MYOF: variants seen among roughly 807,000 people sequenced by gnomAD.
The protein encoded by MYOF is fer-1-like 3, myoferlin.
MYOF carries 244 observed loss-of-function variants against 284.2 expected under a neutral mutation model. The observed-to-expected ratio is 0.86, with a 90% CI of 0.77 to 0.95. The LOEUF is 0.95. Ranked by LOEUF, MYOF falls within the 40% of genes least tolerant of loss-of-function variation. The pLI is 0.00. For missense variants in MYOF, 2,496 were observed against 2,560.6 expected, an observed-to-expected ratio of 0.97 and a Z score of 0.54; for synonymous variants, 904 against 919.7, an observed-to-expected ratio of 0.98 and a Z score of 0.31.
intron 29 of MYOF, among the ~76,000 whole-genome samples, chr10:93,357,524 C>A (rs1844864663): frequency 6.6e-6 from 1 of 152,170 alleles, no homozygotes; most frequent in Admixed American, 6.5e-5. Context: ...TGCTTTCATG[C>A]AGCTGACATT....
intron 51 of MYOF, 22 bp downstream of exon 51, chr10:93,312,998 C>A (rs756547011): frequency 1.3e-6 from 2 of 1,579,016 alleles, no homozygotes; most frequent in Non-Finnish European, 1.7e-6. Context: ...GATTTTCAAC[C>A]AGAACCAGGA....
chr10:93,479,810 G>A (rs887860945), intron 1 of MYOF, among the ~76,000 whole-genome samples: 1 of 152,114 alleles, frequency 6.6e-6, no homozygotes, highest in Non-Finnish European at 1.5e-5. Flanking sequence ...CACTCGATTT[G>A]TATGAAAAAA....
chr10:93,448,435 T>C (rs2056497675), intron 3 of MYOF, among the ~76,000 whole-genome samples: 1 of 152,204 alleles, frequency 6.6e-6, no homozygotes, highest in Admixed American at 6.5e-5. Flanking sequence ...ACAGCATTCA[T>C]GGTACCCGAC....
intron 1 of MYOF, among the ~76,000 whole-genome samples, chr10:93,471,816 G>A (rs775565886): frequency 1.1e-4 from 16 of 152,008 alleles, no homozygotes; most frequent in Non-Finnish European, 1.9e-4. Flanking sequence ...TTGAACCTGG[G>A]AGGTGGAGGT....
chr10:93,328,640 A>C, intron 45 of MYOF, 123 bp downstream of exon 45: 5 of 976,830 alleles, frequency 5.1e-6, no homozygotes, highest in Non-Finnish European at 7.4e-6. Context: ...TGTTAGTGTC[A>C]CGTGCACAGT....
chr10:93,372,468 T>A (rs1015957981), intron 24 of MYOF, among the ~76,000 whole-genome samples: 2 of 152,174 alleles, frequency 1.3e-5, no homozygotes, highest in African/African-American at 4.8e-5. Context: ...CAGAATCTCT[T>A]CCCTAAAGTT....
At chr10:93,459,316 T>C (rs945618807) in intron 1 of MYOF, among the ~76,000 whole-genome samples, 1 of 152,224 alleles carries the variant, frequency 6.6e-6, no homozygotes, top group African/African-American at 2.4e-5. Flanking sequence ...GCAAAGAATT[T>C]TTAACTTAAA....
chr10:93,361,088 A>G (rs907592667), intron 28 of MYOF, among the ~76,000 whole-genome samples: 9 of 152,060 alleles, frequency 5.9e-5, no homozygotes, highest in Admixed American at 3.9e-4. Flanking sequence ...ATGGGAGACA[A>G]TTTTTCTATG....
At chr10:93,310,506 G>A (rs773406215) in intron 52 of MYOF, 28 bp downstream of exon 52, 1 of 1,602,040 alleles carries the variant, frequency 6.2e-7, no homozygotes, top group Admixed American at 1.7e-5. Flanking sequence ...GGTGTTTGGG[G>A]AGTGGGAGAA....
At chr10:93,348,296 CTG>C (rs1043686922) in intron 36 of MYOF, among the ~76,000 whole-genome samples, 1 of 152,206 alleles carries the variant, frequency 6.6e-6, no homozygotes, top group Non-Finnish European at 1.5e-5. Flanking sequence ...AGGGAAATAA[CTG>C]TGGCTGAGAG....
intron 3 of MYOF, among the ~76,000 whole-genome samples, chr10:93,449,436 T>C (rs2056528788): frequency 6.6e-6 from 1 of 152,198 alleles, no homozygotes; most frequent in African/African-American, 2.4e-5. Flanking sequence ...GAGGAGGGCC[T>C]AGTCTTAGTA....
chr10:93,440,284 C>T (rs948974915), intron 3 of MYOF, among the ~76,000 whole-genome samples: 6 of 151,996 alleles, frequency 3.9e-5, no homozygotes, highest in African/African-American at 9.7e-5. Flanking sequence ...TGGTGGCGGG[C>T]GCCTGTAGTC....
rs894959444 is a variant in MYOF, at chr10:93,456,889, C to T, written c.137G>A (p.Trp46Ter). 1.2e-6 allele frequency: 2 copies of T among 1,606,922 alleles called. No homozygotes were observed. Among genetic ancestry groups the T allele is most frequent in the Non-Finnish European group, 1.7e-6 (2 of 1,176,714 alleles). The part of the protein sequence containing the change: ...KKVDNELNPV[W>*]NEILEFDLRG... ...AAAAAACAATGAAGTCACCTCATTC[C>T]AGACAGGGTTCAATTCATTATCAAC... The change falls in exon 2 of 54, where the codon TGG becomes TAG. Residue 46 changes from tryptophan to a stop codon, truncating the protein, a stop_gained. Transcript: ENST00000359263. LOFTEE classifies it high-confidence loss of function.
chr10:93,349,240 G>C (rs1284251173), intron 36 of MYOF, among the ~76,000 whole-genome samples: 1 of 152,202 alleles, frequency 6.6e-6, no homozygotes, highest in Non-Finnish European at 1.5e-5. Flanking sequence ...TGGGGTCTGT[G>C]ATGGAGAGCT....
chr10:93,323,085 C>G lies in MYOF; in HGVS notation c.5449G>C (p.Val1817Leu). Residue 1817 changes from valine to leucine, a missense_variant, in exon 48 of 54, where the codon GTC (valine) becomes CTC (leucine). Val to Leu is a conservative substitution (Grantham distance 32). Transcript: ENST00000359263. ...CTCACATGCTAACCTTACCCTTTGA[C>G]GTAGATGTCACTCATTTCCTCTCCT... ...ITGEEMSDIY[V>L]KGWIPGNEEN... 1 of 1,613,600 alleles carries G rather than the reference C, an allele frequency of 6.2e-7. No individual in the cohort carries two copies. Among genetic ancestry groups the G allele is most frequent in the South Asian group, 1.1e-5 (1 of 91,062 alleles).
chr10:93,380,413 G>C (rs1313727454), intron 20 of MYOF, among the ~76,000 whole-genome samples: 1 of 152,196 alleles, frequency 6.6e-6, no homozygotes, highest in Non-Finnish European at 1.5e-5. Context: ...GAAAGCTTTA[G>C]CTGGCTACAT....
intron 3 of MYOF, among the ~76,000 whole-genome samples, chr10:93,450,617 G>A (rs1171187128): frequency 1.3e-5 from 2 of 152,088 alleles, no homozygotes; most frequent in Non-Finnish European, 2.9e-5. Context: ...ACCCAGCCAC[G>A]TTGACTGCAA....
rs1480422907 is a variant in MYOF, at chr10:93,337,810, G to T, written c.4437+5C>A. 1 of 1,611,204 alleles carries T rather than the reference G, an allele frequency of 6.2e-7. No homozygotes were observed. Among genetic ancestry groups the T allele is most frequent in the Non-Finnish European group, 8.5e-7 (1 of 1,177,488 alleles). ...CTCCACCCATAGCAGCATAGATCCA[G>T]GTACCTTGAGCTTGGAATAGCCTTT... On this transcript the variant is annotated splice_donor_5th_base_variant and intron_variant, in intron 40 of 53. Transcript: ENST00000359263.
chr10:93,365,646 T>C (rs76236910), intron 26 of MYOF, among the ~76,000 whole-genome samples: 1 of 152,188 alleles, frequency 6.6e-6, no homozygotes, highest in Non-Finnish European at 1.5e-5. Context: ...ATTTGCAAAG[T>C]GGAGATAATA....
Sources: allele counts gnomAD v4.1 joint callset (sites outside exome capture counted in the v4.1 genomes callset), GRCh38; gene constraint gnomAD v4.1.1; transcripts MANE v1.5; gene names NCBI Gene and HGNC (gene_info 2026-07-23, HGNC 2026-07-21).